Variants in PPP2R5D observed in about 807,000 individuals in gnomAD.
PPP2R5D encodes protein phosphatase 2 regulatory subunit B'delta, also known as serine/threonine-protein phosphatase 2A 56 kDa regulatory subunit delta isoform.
Under a neutral mutation model 79.1 loss-of-function variants are expected in PPP2R5D, and 12 were observed. The observed-to-expected ratio is 0.15, with a 90% CI of 0.10 to 0.25. PPP2R5D has a LOEUF of 0.25. Among genes scored for constraint, PPP2R5D ranks in the 10% least tolerant of loss-of-function variants. The probability of loss-of-function intolerance (pLI) is 1.00; values close to 1 mark genes in which losing one functional copy is unlikely to be tolerated. For missense variants in PPP2R5D, 419 were observed against 760.2 expected (o/e 0.55, Z 5.28); for synonymous variants, 277 against 286.6 (o/e 0.97, Z 0.34).
intron 2 of PPP2R5D, among the ~76,000 whole-genome samples, chr6:42,994,530 T>A (rs564594377): frequency 6.6e-6 from 1 of 150,736 alleles, no homozygotes; most frequent in Non-Finnish European, 1.5e-5. Flanking sequence ...AAAAAAAAAT[T>A]CAATGTCCTC....
In PPP2R5D at chr6:43,009,795, G is replaced by A. The variant is rs1297918530; in HGVS notation, c.1379+346G>A. Among the ~76,000 whole-genome samples, 5 of 152,164 alleles carry A rather than the reference G, an allele frequency of 3.3e-5. No homozygotes were observed. Among genetic ancestry groups the A allele is most frequent in the African/African-American group, 7.2e-5 (3 of 41,426 alleles). ...AATCCCAGGGTTTTAGGCCGGGCAC[G>A]GTGTCTCACGCCTGTAATCCTAGCA... On this transcript the variant is annotated intron_variant, in intron 12 of 15. Transcript: ENST00000485511. The surrounding 1 kb of genome is among the most constrained non-coding windows in gnomAD (Gnocchi z 5.6).
intron 2 of PPP2R5D, among the ~76,000 whole-genome samples, chr6:42,995,197 C>T (rs988962359): frequency 2.1e-5 from 3 of 140,084 alleles, no homozygotes; most frequent in Non-Finnish European, 3.0e-5. Context: ...GTGGTACAAT[C>T]ATGGCTCACT....
chr6:43,010,334 A>G lies in PPP2R5D; in HGVS notation c.1380-134A>G. On this transcript the variant is annotated intron_variant, in intron 12 of 15. Coordinates refer to ENST00000485511, the MANE Select transcript of PPP2R5D (RefSeq NM_006245.4). The surrounding 1 kb of genome is among the most constrained non-coding windows in gnomAD (Gnocchi z 4.7). ...GGCCAGAGCTCTCTTCTGATACTGC[A>G]CAGAGGTTTGTGAACTGGAAGTAGT... The G allele has an allele frequency of 1.4e-6, 1 of 712,642 alleles. No individual in the cohort carries two copies. Among genetic ancestry groups the G allele is most frequent in the Non-Finnish European group, 2.4e-6 (1 of 409,894 alleles). 44.1% of individuals were successfully genotyped at this position (712,642 alleles called of 1,614,324 possible).
At position 42,993,168 on chromosome 6, in the gene PPP2R5D, A is replaced by C. The variant is rs1285881137; in HGVS notation, c.105+3480A>C. On this transcript the variant is annotated intron_variant, in intron 2 of 15. Coordinates refer to ENST00000485511, the MANE Select transcript of PPP2R5D (RefSeq NM_006245.4). ...AAAAATTAGCCAGGCGTGGTGGCAC[A>C]TGCCTGTAATCCCAGCTACTAGGGA... 2.0e-5 allele frequency among the ~76,000 whole-genome samples: 3 copies of C among 152,090 alleles called. No homozygotes were observed. The East Asian group carries it at 5.8e-4, about 29-fold the overall frequency.
chr6:42,988,227 T>G (rs145929682), intron 1 of PPP2R5D, among the ~76,000 whole-genome samples: 1 of 152,340 alleles, frequency 6.6e-6, no homozygotes, highest in Admixed American at 6.5e-5. Flanking sequence ...CTGAAGGGGC[T>G]TGGCTGCTAT....
Position 43,010,140 on chromosome 6 carries a change from G to GTCATGCTGCATCTACATGCCCA in PPP2R5D, c.1380-318_1380-297dup, listed in dbSNP as rs1762282735. ...GCACACTGTGGTGTAGATGCAGTCTGTCATGCTGCATCTACATGCCCATCA... is the reference window on the plus strand; with the variant it reads ...GCACACTGTGGTGTAGATGCAGTCTGTCATGCTGCATCTACATGCCCATCATGCTGCATCTACATGCCCATCA... On this transcript the variant is annotated intron_variant, in intron 12 of 15. Coordinates refer to ENST00000485511, the MANE Select transcript of PPP2R5D (RefSeq NM_006245.4). The surrounding 1 kb of genome is among the most constrained non-coding windows in gnomAD (Gnocchi z 4.7). 6.6e-6 allele frequency among the ~76,000 whole-genome samples: 1 copy of GTCATGCTGCATCTACATGCCCA among 152,134 alleles called. No individual in the cohort carries two copies. The highest frequency in any genetic ancestry group is 6.5e-5 in the Admixed American group (1 of 15,274).
chr6:42,996,142 C>T (rs182848327), intron 2 of PPP2R5D, among the ~76,000 whole-genome samples: 92 of 144,836 alleles, frequency 6.4e-4, no homozygotes, highest in African/African-American at 2.2e-3. Flanking sequence ...CTGCACCCGG[C>T]CATTTAAACT....
At chr6:42,987,418 A>G (rs1415445023) in intron 1 of PPP2R5D, among the ~76,000 whole-genome samples, 4 of 151,836 alleles carry the variant, frequency 2.6e-5, no homozygotes, top group Admixed American at 2.6e-4. Context: ...TTTCTTGTTC[A>G]TAATAATAGT....
Position 43,007,250 on chromosome 6 carries a change from G to C in PPP2R5D, c.577G>C (p.Glu193Gln). ...LPPSSNPTGA[E>Q]FDPEEDEPTL... ...ACCTTCATCGAATCCCACAGGGGCTGAGTTTGACCCAGAGGAAGATGAGCC... is the reference window on the plus strand; with the variant it reads ...ACCTTCATCGAATCCCACAGGGGCTCAGTTTGACCCAGAGGAAGATGAGCC... The change falls in exon 5 of 16, where the codon GAG becomes CAG. Residue 193 changes from glutamate to glutamine, a missense_variant. Coordinates refer to ENST00000485511, the MANE Select transcript of PPP2R5D (RefSeq NM_006245.4). This position sits in a 1 kb window ranked among gnomAD's most constrained non-coding sequence, Gnocchi z 4.5. The C allele has an allele frequency of 1.9e-6, 3 of 1,614,144 alleles. No individual in the cohort carries two copies. The highest frequency in any genetic ancestry group is 2.5e-6 in the Non-Finnish European group (3 of 1,180,030).
At chr6:42,997,901 G>A (rs1323093712) in intron 2 of PPP2R5D, among the ~76,000 whole-genome samples, 2 of 147,840 alleles carry the variant, frequency 1.4e-5, no homozygotes, top group Admixed American at 6.9e-5. Flanking sequence ...GGCTGGTCTC[G>A]AACTGTTCTC....
At chr6:42,994,711 G>A (rs529363399) in intron 2 of PPP2R5D, among the ~76,000 whole-genome samples, 61 of 151,806 alleles carry the variant, frequency 4.0e-4, no homozygotes, top group Non-Finnish European at 6.6e-4. Context: ...CCAGCTACTC[G>A]GGAGGCTGAG....
chr6:42,997,566 A>G lies in PPP2R5D; in HGVS notation c.105+7878A>G, dbSNP rs142686684. 9.2e-3 allele frequency among the ~76,000 whole-genome samples: 1,392 copies of G among 151,838 alleles called. 8 individuals are homozygous for G. The highest frequency in any genetic ancestry group is 0.024 in the Middle Eastern group (7 of 290). ...CTCTTGTTGCCCAGGCTGGAGTACA[A>G]TGGCGCGATCTCAGCTCACTGCAAT... On this transcript the variant is annotated intron_variant, in intron 2 of 15. Coordinates refer to ENST00000485511, the MANE Select transcript of PPP2R5D (RefSeq NM_006245.4).
chr6:42,988,093 C>T (rs1043360876), intron 1 of PPP2R5D, among the ~76,000 whole-genome samples: 1 of 152,148 alleles, frequency 6.6e-6, no homozygotes, highest in Non-Finnish European at 1.5e-5. Flanking sequence ...AGCTGCTCTA[C>T]ACCACACCTT....
In PPP2R5D at chr6:42,995,126, C is replaced by CTT. The variant is rs889250251; in HGVS notation, c.105+5458_105+5459dup. 7.8e-3 allele frequency among the ~76,000 whole-genome samples: 828 copies of CTT among 106,298 alleles called. 35 individuals carry two copies. The highest frequency in any genetic ancestry group is 0.03 in the African/African-American group (716 of 24,026). The allele number at this position is 106,298 out of a possible 152,430, so 69.7% of individuals were successfully genotyped here. A position where few individuals can be genotyped will look rare whatever the true frequency, so the allele number is the denominator to read the frequency against. ...TTGTGTCCCACCGAACTTTTTCTTT[C>CTT]TTTTTTTTTTTTTTTTTTTTTGGAG... is the stretch of plus-strand genomic sequence containing the variant. On this transcript the variant is annotated intron_variant, in intron 2 of 15. Transcript: ENST00000485511.
Position 43,007,322 on chromosome 6 carries a change from G to C in PPP2R5D, c.633+16G>C. 1 of 1,613,174 alleles carries C rather than the reference G, an allele frequency of 6.2e-7. No individual in the cohort carries two copies. The highest frequency in any genetic ancestry group is 1.6e-4 in the Middle Eastern group (1 of 6,062). On this transcript the variant is annotated intron_variant, in intron 5 of 15. Transcript: ENST00000485511. This position sits in a 1 kb window ranked among gnomAD's most constrained non-coding sequence, Gnocchi z 4.5. ...ACATCTCCAGGTACCAGGGCAAGGG[G>C]GCAGATTGGCCGTGGCTGCAGGGAG...
chr6:43,010,098 T>A lies in PPP2R5D; in HGVS notation c.1380-370T>A, dbSNP rs990080149. 1.3e-5 allele frequency among the ~76,000 whole-genome samples: 2 copies of A among 152,024 alleles called. No individual in the cohort carries two copies. The highest frequency in any genetic ancestry group is 4.8e-5 in the African/African-American group (2 of 41,374). On this transcript the variant is annotated intron_variant, in intron 12 of 15. Coordinates refer to ENST00000485511, the MANE Select transcript of PPP2R5D (RefSeq NM_006245.4). This position sits in a 1 kb window ranked among gnomAD's most constrained non-coding sequence, Gnocchi z 4.7. ...AAAAAACTCAGGGTTTTGAAAAGAC[T>A]TTTCTGCTAAAAGCAAGCACACTGT... is the stretch of plus-strand genomic sequence containing the variant.
chr6:42,999,259 A>G (rs1399260171), intron 2 of PPP2R5D, among the ~76,000 whole-genome samples: 1 of 152,166 alleles, frequency 6.6e-6, no homozygotes, highest in Non-Finnish European at 1.5e-5. Context: ...AGTAGTTGAC[A>G]TATCCCCCAC....
At chr6:42,984,923 T>C (rs1411243903) in intron 1 of PPP2R5D, among the ~76,000 whole-genome samples, 1 of 100,412 alleles carries the variant, frequency 1.0e-5, no homozygotes, top group East Asian at 3.0e-4. Context: ...TCCCCCCACA[T>C]ACACCTCCCT....
Position 42,998,038 on chromosome 6 carries a change from TATATATATATATATATATA to T in PPP2R5D, c.105+8351_105+8369del, listed in dbSNP as rs1339992632. On this transcript the variant is annotated intron_variant, in intron 2 of 15. Coordinates refer to ENST00000485511, the MANE Select transcript of PPP2R5D (RefSeq NM_006245.4). ...ATTTATATATATATATATATATATA[TATATATATATATATATATA>T]TTTTTTTTTTTTTTTTTTTTTTTTT... 9.3e-4 allele frequency among the ~76,000 whole-genome samples: 29 copies of T among 31,298 alleles called. 1 individual carries two copies. Among genetic ancestry groups the T allele is most frequent in the South Asian group, 2.5e-3 (2 of 794 alleles). The allele number at this position is 31,298 out of a possible 152,430, so 20.5% of individuals were successfully genotyped here.
Sources: allele counts gnomAD v4.1 joint callset (sites outside exome capture counted in the v4.1 genomes callset), GRCh38; gene constraint gnomAD v4.1.1; non-coding constraint Gnocchi (gnomAD v3.1); transcripts MANE v1.5; gene names NCBI Gene and HGNC (gene_info 2026-07-23, HGNC 2026-07-21).